The following PKHD1 variants were observed in gnomAD, a reference collection of about 807,000 sequenced individuals.
The protein encoded by PKHD1 is fibrocystin.
A neutral mutation model predicts 412.0 loss-of-function variants in PKHD1; 291 were observed. The ratio of observed to expected loss-of-function variants is 0.71; its 90% CI spans 0.64 to 0.78. The LOEUF (loss-of-function observed/expected upper bound fraction) is 0.78, where lower values mean the gene tolerates loss of function less well. PKHD1 is among the 30% of genes least tolerant of loss of function. The pLI is 0.00. For synonymous variants in PKHD1, 1,777 were observed against 1,821.5 expected (o/e 0.98, Z 0.62); for missense variants, 4,825 against 4,950.7 (o/e 0.97, Z 0.76).
intron 52 of PKHD1, among the ~76,000 whole-genome samples, chr6:51,798,748 A>G (rs1794971870): frequency 6.6e-6 from 1 of 152,142 alleles, no homozygotes; most frequent in African/African-American, 2.4e-5. Flanking sequence ...CCCTGTCTCA[A>G]AGCAAGAGTT....
intron 12 of PKHD1, 71 bp from the exon 13 acceptor site, chr6:52,065,121 G>C: frequency 2.3e-6 from 1 of 436,918 alleles, no homozygotes; most frequent in Non-Finnish European, 4.4e-6. Context: ...ATGTGTGTGG[G>C]TATATGTATA....
At chr6:52,027,773 TA>T in intron 31 of PKHD1, 55 bp downstream of exon 31, 1 of 1,281,560 alleles carries the variant, frequency 7.8e-7, no homozygotes, top group Non-Finnish European at 1.1e-6. Flanking sequence ...AAAATCTGAA[TA>T]TCCAGCAAAT....
intron 60 of PKHD1, among the ~76,000 whole-genome samples, chr6:51,685,511 A>T (rs1237434583): frequency 1.3e-5 from 2 of 152,178 alleles, no homozygotes; most frequent in South Asian, 2.1e-4. Flanking sequence ...AAATTTTTTT[A>T]AAGAATTTTT....
At chr6:51,976,501 G>A (rs1303716816) in intron 35 of PKHD1, among the ~76,000 whole-genome samples, 1 of 152,194 alleles carries the variant, frequency 6.6e-6, no homozygotes, top group Non-Finnish European at 1.5e-5. Flanking sequence ...AGGAGGACTA[G>A]GGAGTCATTG....
Position 52,062,642 on chromosome 6 carries a change from A to G in PKHD1, c.995T>C (p.Phe332Ser). Residue 332 changes from phenylalanine to serine, a missense_variant, in exon 14 of 67, where the codon TTT becomes TCT. Physicochemically the swap from Phe to Ser is radical, Grantham distance 155. Coordinates refer to ENST00000371117, the MANE Select transcript of PKHD1 (RefSeq NM_138694.4). ...TCCCTCAACAGCATCTCCAACTTCAAAAAGAAGCCCTCGATTGCCTGTAAG... is the reference window on the plus strand; with the variant it reads ...TCCCTCAACAGCATCTCCAACTTCAGAAAGAAGCCCTCGATTGCCTGTAAG... ...TPQPGNRGLLFEVGDAVEGLE... is the reference protein window; with the variant it reads ...TPQPGNRGLLSEVGDAVEGLE... 6.2e-7 allele frequency: 1 copy of G among 1,614,138 alleles called. No individual in the cohort carries two copies. Among genetic ancestry groups the G allele is most frequent in the Non-Finnish European group, 8.5e-7 (1 of 1,179,982 alleles).
At chr6:52,013,401 C>T (rs1800051623) in intron 34 of PKHD1, among the ~76,000 whole-genome samples, 1 of 152,118 alleles carries the variant, frequency 6.6e-6, no homozygotes, top group African/African-American at 2.4e-5. Flanking sequence ...AACTACCTTG[C>T]TAGAAATGTT....
intron 52 of PKHD1, among the ~76,000 whole-genome samples, chr6:51,807,845 C>T (rs774177194): frequency 1.8e-4 from 27 of 151,898 alleles, no homozygotes; most frequent in Admixed American, 5.9e-4. Flanking sequence ...ATTCCTTTTA[C>T]ATGAAATGTC....
At chr6:51,782,890 A>G (rs1390546675) in intron 53 of PKHD1, among the ~76,000 whole-genome samples, 5 of 152,098 alleles carry the variant, frequency 3.3e-5, no homozygotes, top group East Asian at 3.8e-4. Flanking sequence ...TAATCATCCA[A>G]TGAGCCTTAC....
Position 52,056,775 on chromosome 6 carries a change from A to G in PKHD1, c.1616T>C (p.Ile539Thr), listed in dbSNP as rs749730748. 5 of 1,612,498 alleles carry G rather than the reference A, an allele frequency of 3.1e-6. No homozygotes were observed. Among genetic ancestry groups the G allele is most frequent in the African/African-American group, 2.7e-5 (2 of 74,882 alleles). ...NATAHLIQTTIEELLAVKCKL... is the reference protein window; with the variant it reads ...NATAHLIQTTTEELLAVKCKL... Reference sequence around the variant, plus strand: ...GCATTTTACTGCAAGTAACTCCTCAATGGTTGTTTGAATCTATTACAAAGG... The same window carrying G: ...GCATTTTACTGCAAGTAACTCCTCAGTGGTTGTTTGAATCTATTACAAAGG... Residue 539 changes from isoleucine (I) to threonine (T), a missense_variant, in exon 18 of 67, where the codon ATT (isoleucine) becomes ACT (threonine). Physicochemically the swap from Ile to Thr is moderately conservative, Grantham distance 89. Transcript: ENST00000371117.
In PKHD1 at chr6:51,934,262, A is replaced by G; in HGVS notation, c.5969T>C (p.Val1990Ala). The G allele has an allele frequency of 1.2e-6, 2 of 1,613,760 alleles. No individual in the cohort carries two copies. The highest frequency in any genetic ancestry group is 8.5e-7 in the Non-Finnish European group (1 of 1,179,962). The change falls in exon 37 of 67, where the codon GTT becomes GCT. Residue 1990 changes from valine (V) to alanine (A), a missense_variant. By Grantham distance (64) the Val-to-Ala change is moderately conservative. Coordinates refer to ENST00000371117, the MANE Select transcript of PKHD1 (RefSeq NM_138694.4). Reference sequence around the variant, plus strand: ...AATCCGGAGCTCTCCACCATCAGAAACAAGGATGGCGTGTGCCCTGAGCTC... The same window carrying G: ...AATCCGGAGCTCTCCACCATCAGAAGCAAGGATGGCGTGTGCCCTGAGCTC... ...PIELRAHAIL[V>A]SDGGELRIGS...
chr6:51,866,992 C>T (rs1775173681), intron 48 of PKHD1, among the ~76,000 whole-genome samples: 1 of 152,080 alleles, frequency 6.6e-6, no homozygotes, highest in African/African-American at 2.4e-5. Flanking sequence ...GCTTCTAAAA[C>T]AGAATGCCAA....
intron 12 of PKHD1, among the ~76,000 whole-genome samples, chr6:52,065,391 G>A: frequency 6.6e-6 from 1 of 151,958 alleles, no homozygotes; most frequent in South Asian, 2.1e-4. Context: ...GCCATGCAAT[G>A]GAGTGCTCTT....
intron 39 of PKHD1, 63 bp downstream of exon 39, chr6:51,911,736 A>G: frequency 1.4e-6 from 2 of 1,394,676 alleles, no homozygotes; most frequent in Middle Eastern, 1.8e-4. Flanking sequence ...AATGCCATCT[A>G]TCATCAGACA....
chr6:52,028,235 C>T lies in PKHD1; in HGVS notation c.3481G>A (p.Glu1161Lys), dbSNP rs878855202. 1.9e-6 allele frequency: 3 copies of T among 1,614,072 alleles called. No individual in the cohort carries two copies. The highest frequency in any genetic ancestry group is 1.7e-5 in the Admixed American group (1 of 60,012). ...PVHTQSAWGL[E>K]VALPPLPAGL... ...GCTGGCAGTGGGGGCAGTGCCACCTCCAGGCCCCAAGCCGACTGTGTGTGA... is the reference window on the plus strand; with the variant it reads ...GCTGGCAGTGGGGGCAGTGCCACCTTCAGGCCCCAAGCCGACTGTGTGTGA... Residue 1161 changes from glutamate (E) to lysine (K), a missense_variant, in exon 30 of 67, where the codon GAG becomes AAG. Coordinates refer to ENST00000371117, the MANE Select transcript of PKHD1 (RefSeq NM_138694.4).
intron 6 of PKHD1, among the ~76,000 whole-genome samples, chr6:52,075,715 T>C (rs1266602261): frequency 1.3e-5 from 2 of 152,220 alleles, no homozygotes; most frequent in African/African-American, 2.4e-5. Flanking sequence ...CTGCTCAAAA[T>C]ATGACAGAAT....
intron 60 of PKHD1, among the ~76,000 whole-genome samples, chr6:51,741,967 T>C (rs1784608310): frequency 6.6e-6 from 1 of 152,242 alleles, no homozygotes; most frequent in Non-Finnish European, 1.5e-5. Context: ...ATTAGGCATG[T>C]GCTTATTTTA....
At chr6:51,638,220 G>A (rs1489726444) in intron 64 of PKHD1, among the ~76,000 whole-genome samples, 1 of 151,998 alleles carries the variant, frequency 6.6e-6, no homozygotes, top group African/African-American at 2.4e-5. Flanking sequence ...TTTCTTCCCT[G>A]GCTATACGAT....
At chr6:51,827,642 G>T (rs564086634) in intron 52 of PKHD1, among the ~76,000 whole-genome samples, 1 of 152,126 alleles carries the variant, frequency 6.6e-6, no homozygotes, top group Admixed American at 6.6e-5. Flanking sequence ...TTACCCTAGA[G>T]ACACTATGAT....
intron 66 of PKHD1, 45 bp from the exon 67 acceptor site, chr6:51,619,565 C>CA: frequency 6.7e-7 from 1 of 1,493,616 alleles, no homozygotes; most frequent in Non-Finnish European, 9.3e-7. Flanking sequence ...TAGTTTTCAA[C>CA]CAGTTAATTA....
Sources: allele counts gnomAD v4.1 joint callset (sites outside exome capture counted in the v4.1 genomes callset), GRCh38; gene constraint gnomAD v4.1.1; transcripts MANE v1.5; gene names NCBI Gene and HGNC (gene_info 2026-07-23, HGNC 2026-07-21).